The following SYN1 variants were observed in gnomAD, a reference collection of about 807,000 sequenced individuals.
SYN1 encodes the protein synapsin-1.
A neutral mutation model predicts 44.6 loss-of-function variants in SYN1; 8 were observed. The observed-to-expected ratio is 0.18, with a 90% confidence interval of 0.11 to 0.32. The LOEUF (loss-of-function observed/expected upper bound fraction) is 0.32. Among genes scored for constraint, SYN1 ranks in the 10% least tolerant of loss-of-function variants. The pLI is 1.00. For missense variants in SYN1, 451 were observed against 639.4 expected (o/e 0.71, Z 3.18); for synonymous variants, 275 against 280.1 (o/e 0.98, Z 0.18).
At chrX:47,577,990 G>T (rs2057783484) in intron 5 of SYN1, among the ~76,000 whole-genome samples, 1 of 110,402 alleles carries the variant, frequency 9.1e-6, no homozygotes, top group African/African-American at 3.3e-5. Context: ...TTGGAACTCA[G>T]ATGTACATCG....
intron 5 of SYN1, among the ~76,000 whole-genome samples, chrX:47,598,629 C>T (rs1386609523): frequency 2.7e-5 from 3 of 111,380 alleles, no homozygotes; most frequent in African/African-American, 9.8e-5. Flanking sequence ...AGTTCGAGAC[C>T]AGCCTGGCCA....
chrX:47,575,942 G>A (rs972177428), intron 9 of SYN1, among the ~76,000 whole-genome samples, 189 bp downstream of exon 9: 4 of 112,166 alleles, frequency 3.6e-5, no homozygotes, highest in Non-Finnish European at 5.6e-5. Context: ...CACCAGGGAC[G>A]TGCAAGTTCA....
In SYN1 at chrX:47,576,566, G is replaced by A. The variant is rs62636605; in HGVS notation, c.912C>T (p.Ala304=). ...VVALTKTYAT[A]EPFIDAKYDV... ...CATATTTGGCATCGATGAAGGGCTC[G>A]GCAGTGGCATACGTCTTGGTCAGTG... Residue 304 remains alanine, a synonymous_variant, in exon 7 of 13, where the codon GCC becomes GCT. Transcript: ENST00000295987. 3,146 of 1,210,006 alleles carry A rather than the reference G, an allele frequency of 2.6e-3. 60 individuals are homozygous for A. In the African/African-American group the frequency reaches 0.046, roughly 18 times the overall value.
chrX:47,598,705 T>C (rs2057870972), intron 5 of SYN1, among the ~76,000 whole-genome samples: 1 of 111,582 alleles, frequency 9.0e-6, no homozygotes, highest in Non-Finnish European at 1.9e-5. Context: ...CAGGCACCTG[T>C]AGTCCCAGCT....
chrX:47,589,595 C>CAAA (rs779225789), intron 5 of SYN1, among the ~76,000 whole-genome samples: 2 of 29,885 alleles, frequency 6.7e-5, no homozygotes, highest in African/African-American at 1.2e-4. Context: ...GACTCCGTCT[C>CAAA]AAAAAAAAAA....
intron 5 of SYN1, chrX:47,583,380 G>A (rs754265865): frequency 8.5e-7 from 1 of 1,176,936 alleles, no homozygotes; most frequent in East Asian, 3.0e-5. Context: ...CTGGGCCGGG[G>A]CCTGCCTGAC....
At chrX:47,615,554 C>A (rs1245636706) in intron 1 of SYN1, among the ~76,000 whole-genome samples, 1 of 111,944 alleles carries the variant, frequency 8.9e-6, no homozygotes, top group Non-Finnish European at 1.9e-5. Context: ...TTTTATTTAT[C>A]CTACTTCAAG....
At chrX:47,579,104 C>G (rs1446216154) in intron 5 of SYN1, among the ~76,000 whole-genome samples, 1 of 111,626 alleles carries the variant, frequency 9.0e-6, no homozygotes, top group Non-Finnish European at 1.9e-5. Flanking sequence ...AGACAACTCC[C>G]AGAAGTAACA....
In SYN1 at chrX:47,601,064, T is replaced by A. The variant is rs2147925962; in HGVS notation, c.774+3914A>T. 1.8e-5 allele frequency among the ~76,000 whole-genome samples: 2 copies of A among 111,643 alleles called. 1 individual carries two copies. Among genetic ancestry groups the A allele is most frequent in the South Asian group, 7.4e-4 (2 of 2,698 alleles). ...TAGAAATAAATGACATAAAGAATTT[T>A]AAAAATAGAGAACTAATAAAACAAA... On this transcript the variant is annotated intron_variant, in intron 5 of 12. Coordinates refer to ENST00000295987, the MANE Select transcript of SYN1 (RefSeq NM_006950.3).
chrX:47,600,774 C>T (rs768056468), intron 5 of SYN1, among the ~76,000 whole-genome samples: 9 of 111,552 alleles, frequency 8.1e-5, no homozygotes, highest in Non-Finnish European at 1.5e-4. Context: ...TAACACACTC[C>T]TAAATAACCA....
intron 5 of SYN1, among the ~76,000 whole-genome samples, chrX:47,578,024 A>G (rs990678395): frequency 9.0e-6 from 1 of 110,925 alleles, no homozygotes; most frequent in Non-Finnish European, 1.9e-5. Context: ...TGCCAGTGAC[A>G]TTGAGACTGA....
chrX:47,574,673 C>T lies in SYN1; in HGVS notation c.1393+15G>A, dbSNP rs1433187910. On this transcript the variant is annotated intron_variant, in intron 11 of 12. Transcript: ENST00000295987. ...GGCTGAGGGAGGGGACTGCGACCGC[C>T]AGCCTCTCGCTTACCCTGTGGTGGG... 1 of 1,173,244 alleles carries T rather than the reference C, an allele frequency of 8.5e-7. No homozygotes were observed. Among genetic ancestry groups the T allele is most frequent in the South Asian group, 1.9e-5 (1 of 53,281 alleles).
intron 10 of SYN1, 54 bp from the exon 11 acceptor site, chrX:47,574,829 G>C: frequency 9.5e-7 from 1 of 1,054,442 alleles, no homozygotes; most frequent in Non-Finnish European, 1.3e-6. Context: ...AGCCAGTGGA[G>C]CATCAGCCAG....
At chrX:47,619,210 T>A in intron 1 of SYN1, 142 bp downstream of exon 1, 2 of 958,475 alleles carry the variant, frequency 2.1e-6, no homozygotes, top group African/African-American at 1.9e-5. Flanking sequence ...AGAGGAAGCA[T>A]CCAGCTTAAT....
At chrX:47,588,459 G>A (rs920253497) in intron 5 of SYN1, among the ~76,000 whole-genome samples, 1 of 112,635 alleles carries the variant, frequency 8.9e-6, no homozygotes, top group East Asian at 2.8e-4. Flanking sequence ...AAGTAGCAGG[G>A]GAAGGATGGA....
At chrX:47,574,633 G>T in intron 11 of SYN1, 43 bp from the exon 12 acceptor site, 2 of 1,126,168 alleles carry the variant, frequency 1.8e-6, no homozygotes, top group Non-Finnish European at 1.2e-6. Context: ...GAGAGTGAGC[G>T]GGTAAGAGAT....
intron 3 of SYN1, among the ~76,000 whole-genome samples, chrX:47,606,163 G>A (rs918312661): frequency 9.0e-6 from 1 of 111,179 alleles, no homozygotes; most frequent in Admixed American, 9.5e-5. Context: ...AAAGTGCTGG[G>A]ATTATAGGCA....
At chrX:47,583,852 C>T (rs966078602) in intron 5 of SYN1, among the ~76,000 whole-genome samples, 1 of 111,805 alleles carries the variant, frequency 8.9e-6, no homozygotes, top group Non-Finnish European at 1.9e-5. Context: ...CCCCTTAGTA[C>T]TCCTGATCTC....
chrX:47,576,689 G>A, intron 6 of SYN1, 49 bp from the exon 7 acceptor site: 1 of 1,203,494 alleles, frequency 8.3e-7, no homozygotes. Context: ...TAGGGCAGCT[G>A]TGGGGAGTGG....
Sources: allele counts gnomAD v4.1 joint callset (sites outside exome capture counted in the v4.1 genomes callset), GRCh38; gene constraint gnomAD v4.1.1; transcripts MANE v1.5; gene names NCBI Gene and HGNC (gene_info 2026-07-23, HGNC 2026-07-21).